Variants in DMD observed in about 807,000 individuals in gnomAD.
DMD encodes the protein dystrophin, also known as mutant dystrophin.
A neutral mutation model predicts 330.1 loss-of-function variants in DMD; 63 were observed. That is an observed-to-expected ratio of 0.19 (90% CI 0.16 to 0.24). The LOEUF is 0.24. Ranked by LOEUF, DMD falls within the 10% of genes least tolerant of loss-of-function variation. DMD has a pLI of 1.00. For synonymous variants in DMD, 1,223 were observed against 959.8 expected (o/e 1.27, Z -5.07); for missense variants, 3,344 against 2,684.1 (o/e 1.25, Z -5.43).
chrX:32,645,269 T>G, intron 9 of DMD, 117 bp from the exon 10 acceptor site: 1 of 784,775 alleles, frequency 1.3e-6, no homozygotes, highest in Admixed American at 2.9e-5. Flanking sequence ...ACTGGCATTA[T>G]CAAACACAGG....
intron 2 of DMD, among the ~76,000 whole-genome samples, chrX:32,886,211 G>T (rs1370619676): frequency 3.7e-5 from 4 of 109,272 alleles, no homozygotes; most frequent in Non-Finnish European, 7.6e-5. Context: ...TATCTCAAAA[G>T]CAGGATTTTG....
At chrX:32,430,432 A>T (rs942262262) in intron 29 of DMD, among the ~76,000 whole-genome samples, 29 of 111,925 alleles carry the variant, frequency 2.6e-4, no homozygotes, top group African/African-American at 9.4e-4. Context: ...AAAGCTGTAT[A>T]TAATTAACAT....
At chrX:31,971,178 G>T (rs113404060) in intron 44 of DMD, among the ~76,000 whole-genome samples, 1,928 of 111,958 alleles carry the variant, frequency 0.017, 24 homozygotes, top group Middle Eastern at 0.06. Flanking sequence ...GAGTTGTAAG[G>T]TAATGGAGTA....
chrX:31,384,357 TAC>T (rs1242007510), intron 60 of DMD, among the ~76,000 whole-genome samples: 1 of 107,297 alleles, frequency 9.3e-6, no homozygotes, highest in Non-Finnish European at 1.9e-5. Context: ...CTACTACTAC[TAC>T]TACTTTAGCT....
chrX:32,785,007 T>C (rs2075226268), intron 7 of DMD, among the ~76,000 whole-genome samples: 1 of 110,888 alleles, frequency 9.0e-6, no homozygotes, highest in Non-Finnish European at 1.9e-5. Flanking sequence ...GCATTTCTAC[T>C]GAACAAAGTA....
chrX:33,324,308 C>T (rs2054058567), intron 1 of DMD, among the ~76,000 whole-genome samples: 1 of 110,635 alleles, frequency 9.0e-6, no homozygotes, highest in Non-Finnish European at 1.9e-5. Flanking sequence ...CTTGAGACCA[C>T]TAGGAGAATG....
At chrX:32,136,545 C>A (rs1212725548) in intron 44 of DMD, among the ~76,000 whole-genome samples, 3 of 87,934 alleles carry the variant, frequency 3.4e-5, no homozygotes, top group African/African-American at 4.4e-5. Context: ...GAACAAGCAA[C>A]AGAGATTAAA....
chrX:31,481,397 G>A (rs752185438), intron 57 of DMD, among the ~76,000 whole-genome samples: 3 of 111,981 alleles, frequency 2.7e-5, no homozygotes, highest in Non-Finnish European at 5.6e-5. Flanking sequence ...AGAATTCAGT[G>A]CAAGATTATG....
chrX:33,237,283 G>T, intron 1 of DMD, among the ~76,000 whole-genome samples: 1 of 90,050 alleles, frequency 1.1e-5, no homozygotes, highest in Non-Finnish European at 2.1e-5. Flanking sequence ...CACTCTTGTT[G>T]CCCAGGCTGG....
intron 9 of DMD, among the ~76,000 whole-genome samples, chrX:32,668,459 T>C (rs1291439919): frequency 8.9e-6 from 1 of 112,001 alleles, no homozygotes; most frequent in East Asian, 2.8e-4. Flanking sequence ...AAATCATGTT[T>C]TTGACAGGGC....
chrX:32,623,713 G>A (rs976276853), intron 11 of DMD, among the ~76,000 whole-genome samples: 1 of 109,994 alleles, frequency 9.1e-6, no homozygotes, highest in African/African-American at 3.3e-5. Flanking sequence ...TTTTTGTATA[G>A]ATGTGGTCTC....
chrX:33,123,621 T>C (rs977662513), intron 1 of DMD, among the ~76,000 whole-genome samples: 12 of 109,308 alleles, frequency 1.1e-4, no homozygotes, highest in African/African-American at 3.7e-4. Flanking sequence ...TTTCGCCATG[T>C]TGGCCAGGCT....
chrX:31,274,156 C>T (rs1312303903), intron 62 of DMD, among the ~76,000 whole-genome samples: 1 of 111,673 alleles, frequency 9.0e-6, no homozygotes, highest in East Asian at 2.8e-4. Context: ...TAGCAGTTTA[C>T]AAAAGGCACC....
At chrX:32,975,560 A>G (rs948828594) in intron 2 of DMD, among the ~76,000 whole-genome samples, 1 of 109,825 alleles carries the variant, frequency 9.1e-6, no homozygotes, top group Non-Finnish European at 1.9e-5. Flanking sequence ...AAAGAGCTCT[A>G]TTTCAAGCAT....
intron 1 of DMD, among the ~76,000 whole-genome samples, chrX:33,028,668 T>A (rs1463363691): frequency 1.8e-5 from 2 of 112,291 alleles, no homozygotes; most frequent in African/African-American, 6.5e-5. Flanking sequence ...GTTTTCACAA[T>A]CACACTTATC....
Position 31,308,992 on chromosome X carries a change from G to C in DMD, c.9224+14606C>G, listed in dbSNP as rs369869183. Among the ~76,000 whole-genome samples, 8 of 111,672 alleles carry C rather than the reference G, an allele frequency of 7.2e-5. No homozygotes were observed. The South Asian group carries it at 3.0e-3, about 42-fold the overall frequency. Reference sequence around the variant, plus strand: ...GATTTGCCCACCTCAGCCTCCCAAAGTGCTAGGATTACAGGTGTGAGCCAC... The same window carrying C: ...GATTTGCCCACCTCAGCCTCCCAAACTGCTAGGATTACAGGTGTGAGCCAC... On this transcript the variant is annotated intron_variant, in intron 62 of 78. Transcript: ENST00000357033.
At chrX:33,240,927 T>C (rs1191368424) in intron 1 of DMD, among the ~76,000 whole-genome samples, 1 of 112,249 alleles carries the variant, frequency 8.9e-6, no homozygotes, top group Non-Finnish European at 1.9e-5. Context: ...TGCTATTTAT[T>C]TGTTTGAGTT....
Position 31,435,033 on chromosome X carries a change from C to T in DMD, c.9084+9448G>A, listed in dbSNP as rs997414299. Among the ~76,000 whole-genome samples the T allele has an allele frequency of 2.4e-4, 27 of 111,534 alleles. 1 individual carries two copies. On this transcript the variant is annotated intron_variant, in intron 60 of 78. Transcript: ENST00000357033. ...TAGTTAGGAGTTCTGACAGATTCCCCAGGCAGACTGTCTGGGTTCAAATCC... is the reference window on the plus strand; with the variant it reads ...TAGTTAGGAGTTCTGACAGATTCCCTAGGCAGACTGTCTGGGTTCAAATCC...
At chrX:33,049,235 C>T (rs1157790954) in intron 1 of DMD, among the ~76,000 whole-genome samples, 2 of 111,907 alleles carry the variant, frequency 1.8e-5, no homozygotes, top group Non-Finnish European at 3.8e-5. Flanking sequence ...GAAAATGGAG[C>T]TCCAAACTTA....
Sources: gnomAD v4.1 joint callset for allele counts (sites outside exome capture counted in the v4.1 genomes callset) on GRCh38, gnomAD v4.1.1 for gene constraint, MANE v1.5 for transcripts, NCBI Gene and HGNC (gene_info 2026-07-23, HGNC 2026-07-21) for gene names.